The following KCNMB1 variants were observed in gnomAD, a reference collection of about 807,000 sequenced individuals.
KCNMB1 encodes the protein calcium-activated potassium channel subunit beta-1.
In KCNMB1, 22 loss-of-function variants were observed where a neutral mutation model predicts 21.7. The ratio of observed to expected loss-of-function variants is 1.01; its 90% CI spans 0.72 to 1.45. KCNMB1 has a LOEUF of 1.45. KCNMB1 is among the 40% of genes most tolerant of loss of function. The pLI is 0.00. For missense variants in KCNMB1, 243 were observed against 243.4 expected, an observed-to-expected ratio of 1.00 and a Z score of 0.01; for synonymous variants, 114 against 107.6, an observed-to-expected ratio of 1.06 and a Z score of -0.37.
chr5:170,386,122 CAA>C (rs57184065), intron 1 of KCNMB1, among the ~76,000 whole-genome samples: 1 of 133,778 alleles, frequency 7.5e-6, no homozygotes, highest in African/African-American at 2.7e-5. Context: ...AAGACTCCGT[CAA>C]AAAAAAAAAC....
At chr5:170,380,231 A>G (rs1764184921) in intron 3 of KCNMB1, among the ~76,000 whole-genome samples, 1 of 152,198 alleles carries the variant, frequency 6.6e-6, no homozygotes, top group Non-Finnish European at 1.5e-5. Flanking sequence ...ATCTGGTTTT[A>G]TCTCTGTTCT....
chr5:170,386,120 G>A (rs1377703119), intron 1 of KCNMB1, among the ~76,000 whole-genome samples: 3 of 130,996 alleles, frequency 2.3e-5, no homozygotes, highest in Admixed American at 1.5e-4. Flanking sequence ...GCAAGACTCC[G>A]TCAAAAAAAA....
At chr5:170,385,180 G>C in intron 2 of KCNMB1, 134 bp downstream of exon 2, 1 of 975,560 alleles carries the variant, frequency 1.0e-6, no homozygotes, top group Non-Finnish European at 1.6e-6. Context: ...TAGAACCTAA[G>C]AATGAGCATC....
rs966605447 is a variant in KCNMB1 at position 170,377,469 on chromosome 5, A to G, written c.*1235T>C. On this transcript the variant is annotated 3_prime_UTR_variant, in exon 4 of 4. Coordinates refer to ENST00000274629, the MANE Select transcript of KCNMB1 (RefSeq NM_004137.4). ...ATTTTGCCCTTTTCAAATCTGAGATAGGCTTCCCCAGCAGGCTCAGTGCCA... is the reference window on the plus strand; with the variant it reads ...ATTTTGCCCTTTTCAAATCTGAGATGGGCTTCCCCAGCAGGCTCAGTGCCA... 12 of 152,224 alleles carry G rather than the reference A, an allele frequency of 7.9e-5. No homozygotes were observed. Among genetic ancestry groups the G allele is most frequent in the African/African-American group, 2.9e-4 (12 of 41,444 alleles). The allele number at this position is 152,224 out of a possible 1,614,324, so 9.4% of individuals were successfully genotyped here.
rs751672494 is a variant in KCNMB1, at chr5:170,383,800, T to C, written c.185A>G (p.Asp62Gly). The change falls in exon 3 of 4, where the codon GAC (aspartate) becomes GGC (glycine). Residue 62 changes from aspartate (D) to glycine (G), a missense_variant. By Grantham distance (94) the Asp-to-Gly change is moderately conservative. Coordinates refer to ENST00000274629, the MANE Select transcript of KCNMB1 (RefSeq NM_004137.4). ...KCHLIETNIRDQEELKGKKVP... is the reference protein window; with the variant it reads ...KCHLIETNIRGQEELKGKKVP... ...CTTCTTGCCCTTCAGCTCCTCCTGGTCCCTGATGTTGGTCTCAATCAGGTG... is the reference window on the plus strand; with the variant it reads ...CTTCTTGCCCTTCAGCTCCTCCTGGCCCCTGATGTTGGTCTCAATCAGGTG... 1 of 1,614,112 alleles carries C rather than the reference T, an allele frequency of 6.2e-7. No individual in the cohort carries two copies. The highest frequency in any genetic ancestry group is 1.1e-5 in the South Asian group (1 of 91,080).
chr5:170,383,834 A>G lies in KCNMB1; in HGVS notation c.151T>C (p.Ser51Pro). Residue 51 changes from serine (S) to proline (P), a missense_variant, in exon 3 of 4, where the codon TCC becomes CCC. By Grantham distance (74) the Ser-to-Pro change is moderately conservative. Transcript: ENST00000274629. Reference sequence around the variant, plus strand: ...TTGGTCTCAATCAGGTGGCACTTGGATTCCTGGGTCCACACGCTGAGGAGA... The same window carrying G: ...TTGGTCTCAATCAGGTGGCACTTGGGTTCCTGGGTCCACACGCTGAGGAGA... ...LYQKSVWTQE[S>P]KCHLIETNIR... is the part of the protein sequence containing the mutation. 1 of 1,613,926 alleles carries G rather than the reference A, an allele frequency of 6.2e-7. No individual in the cohort carries two copies.
intron 3 of KCNMB1, among the ~76,000 whole-genome samples, chr5:170,380,026 A>C (rs899011210): frequency 6.6e-6 from 1 of 152,222 alleles, no homozygotes; most frequent in Non-Finnish European, 1.5e-5. Flanking sequence ...GTGTACAGCA[A>C]ACAAACTATG....
intron 2 of KCNMB1, among the ~76,000 whole-genome samples, chr5:170,385,093 T>C (rs924746339): frequency 6.6e-6 from 1 of 152,210 alleles, no homozygotes; most frequent in African/African-American, 2.4e-5. Flanking sequence ...TCCTAGATCA[T>C]GTGTCTGTTA....
rs923176462 is a variant in KCNMB1 at position 170,378,716 on chromosome 5, C to T, written c.564G>A (p.Ala188=). ...TGGATGGATGGCTCTACTTCTGGGCCGCCAGGATGGACAGGTACTGGTTGC... is the reference window on the plus strand; with the variant it reads ...TGGATGGATGGCTCTACTTCTGGGCTGCCAGGATGGACAGGTACTGGTTGC... ...VKSNQYLSIL[A]AQK The change falls in exon 4 of 4, where the codon GCG becomes GCA. Residue 188 remains alanine (A), a synonymous_variant. Transcript: ENST00000274629. 1.3e-5 allele frequency: 21 copies of T among 1,610,710 alleles called. No individual in the cohort carries two copies. The highest frequency in any genetic ancestry group is 5.4e-5 in the African/African-American group (4 of 74,714).
chr5:170,380,484 C>T (rs1442540686), intron 3 of KCNMB1, among the ~76,000 whole-genome samples: 1 of 152,240 alleles, frequency 6.6e-6, no homozygotes, highest in East Asian at 1.9e-4. Flanking sequence ...TATGAGGTGC[C>T]ACCCTGGAAG....
At chr5:170,381,744 A>C (rs560161965) in intron 3 of KCNMB1, among the ~76,000 whole-genome samples, 2 of 152,302 alleles carry the variant, frequency 1.3e-5, no homozygotes, top group East Asian at 3.9e-4. Flanking sequence ...AGGACCAGGG[A>C]GGCAGCCTGA....
intron 1 of KCNMB1, among the ~76,000 whole-genome samples, chr5:170,387,479 G>C (rs77155563): frequency 0.016 from 2,464 of 152,268 alleles, 55 homozygotes; most frequent in African/African-American, 0.057. Flanking sequence ...AGGCACCACG[G>C]ATACCCATCA....
intron 1 of KCNMB1, among the ~76,000 whole-genome samples, chr5:170,387,473 A>G (rs1046509748): frequency 6.6e-6 from 1 of 152,180 alleles, no homozygotes; most frequent in Admixed American, 6.6e-5. Context: ...AGGGTCAGGC[A>G]CCACGGATAC....
chr5:170,383,421 AC>A (rs1293496267), intron 3 of KCNMB1: 1 of 603,060 alleles, frequency 1.7e-6, no homozygotes, highest in Non-Finnish European at 3.0e-6. Context: ...TTAGCATTCC[AC>A]TTTACAAGGG....
intron 3 of KCNMB1, chr5:170,382,726 C>T (rs1408200839): frequency 6.7e-6 from 1 of 148,396 alleles, no homozygotes; most frequent in African/African-American, 2.5e-5. Flanking sequence ...GGTGCAATCT[C>T]ACCAAGAGCC....
chr5:170,375,242 A>G lies in KCNMB1; in HGVS notation c.*3462T>C, dbSNP rs1376773335. 3 of 152,246 alleles carry G rather than the reference A, an allele frequency of 2.0e-5. No homozygotes were observed. The highest frequency in any genetic ancestry group is 6.5e-5 in the Admixed American group (1 of 15,294). 9.4% of individuals were successfully genotyped at this position (152,246 alleles called of 1,614,324 possible). A position where few individuals can be genotyped will look rare whatever the true frequency, so the allele number is the denominator to read the frequency against. On this transcript the variant is annotated 3_prime_UTR_variant, in exon 4 of 4. Coordinates refer to ENST00000274629, the MANE Select transcript of KCNMB1 (RefSeq NM_004137.4). ...TAATATTTTGCAAAACTATAGTACA[A>G]TATTACAATTAAGACTTTCTTAAAA... is the stretch of plus-strand genomic sequence containing the variant.
chr5:170,381,014 C>A (rs964266459), intron 3 of KCNMB1, among the ~76,000 whole-genome samples: 7 of 152,206 alleles, frequency 4.6e-5, no homozygotes, highest in Admixed American at 2.0e-4. Context: ...TATGTTTTGA[C>A]TTATCTATGA....
rs1373109033 is a variant in KCNMB1, at chr5:170,382,365, A to ATAGCCAAAGTTGACATATCTTG, written c.306+1292_306+1313dup. Among the ~76,000 whole-genome samples, 7 of 152,292 alleles carry ATAGCCAAAGTTGACATATCTTG rather than the reference A, an allele frequency of 4.6e-5. No homozygotes were observed. In the South Asian group the frequency reaches 1.5e-3, roughly 32 times the overall value. On this transcript the variant is annotated intron_variant, in intron 3 of 3. Coordinates refer to ENST00000274629, the MANE Select transcript of KCNMB1 (RefSeq NM_004137.4). ...TAAGACTCTTACAGGGTTCTAATGC[A>ATAGCCAAAGTTGACATATCTTG]TAGCCAAAGTTGACATATCTTGAGA...
chr5:170,383,802 C>T lies in KCNMB1; in HGVS notation c.183G>A (p.Arg61=). The T allele has an allele frequency of 2.5e-6, 4 of 1,614,120 alleles. 1 individual carries two copies. The South Asian group carries it at 4.4e-5, about 18-fold the overall frequency. ...SKCHLIETNI[R]DQEELKGKKV... ...TCTTGCCCTTCAGCTCCTCCTGGTC[C>T]CTGATGTTGGTCTCAATCAGGTGGC... Residue 61 remains arginine (R), a synonymous_variant, in exon 3 of 4, where the codon AGG becomes AGA. Transcript: ENST00000274629.
Sources: allele counts gnomAD v4.1 joint callset (sites outside exome capture counted in the v4.1 genomes callset), GRCh38; gene constraint gnomAD v4.1.1; transcripts MANE v1.5; gene names NCBI Gene and HGNC (gene_info 2026-07-23, HGNC 2026-07-21).